The following FBXW4 variants were observed in gnomAD, a reference collection of about 807,000 sequenced individuals.
FBXW4 encodes F-box/WD repeat-containing protein 4.
A neutral mutation model predicts 61.8 loss-of-function variants in FBXW4; 40 were observed. That is an observed-to-expected ratio of 0.65 (90% confidence interval 0.50 to 0.84). The LOEUF is 0.84. Among genes scored for constraint, FBXW4 ranks in the 40% least tolerant of loss-of-function variants. The pLI, the probability that FBXW4 is intolerant of heterozygous loss-of-function variation, is 0.00. For synonymous variants in FBXW4, 311 were observed against 313.8 expected (o/e 0.99, Z 0.10); for missense variants, 672 against 753.8 (o/e 0.89, Z 1.27).
At chr10:101,674,793 G>A (rs1362550794) in intron 2 of FBXW4, among the ~76,000 whole-genome samples, 1 of 152,232 alleles carries the variant, frequency 6.6e-6, no homozygotes, top group African/African-American at 2.4e-5. Flanking sequence ...AGAAAGGCTA[G>A]AAGCCACAGA....
rs1362668293 is a variant in FBXW4, at chr10:101,673,555, A to C, written c.940T>G (p.Phe314Val). ...ASLNRRPLGV[F>V]AGHDEDVCHF... Reference sequence around the variant, plus strand: ...CAAACGTCCTCATCATGCCCAGCAAAGACTCCCAGAGGCCGACGATTCAAG... The same window carrying C: ...CAAACGTCCTCATCATGCCCAGCAACGACTCCCAGAGGCCGACGATTCAAG... The change falls in exon 3 of 9, where the codon TTT (phenylalanine) becomes GTT (valine). Residue 314 changes from phenylalanine (F) to valine (V), a missense_variant. Phe to Val is a conservative substitution (Grantham distance 50). Transcript: ENST00000331272. 24 of 1,613,882 alleles carry C rather than the reference A, an allele frequency of 1.5e-5. No homozygotes were observed. The highest frequency in any genetic ancestry group is 1.9e-5 in the Non-Finnish European group (22 of 1,179,888).
intron 5 of FBXW4, among the ~76,000 whole-genome samples, chr10:101,647,142 A>C (rs2064107021): frequency 6.6e-6 from 1 of 152,208 alleles, no homozygotes; most frequent in Non-Finnish European, 1.5e-5. Flanking sequence ...ATTCTCAAGA[A>C]TCATGTTTTC....
At chr10:101,682,800 T>C (rs964587133) in intron 1 of FBXW4, among the ~76,000 whole-genome samples, 1 of 151,162 alleles carries the variant, frequency 6.6e-6, no homozygotes, top group South Asian at 2.1e-4. Context: ...AATATCATAA[T>C]CAAAACACTT....
chr10:101,656,489 G>A (rs1221378961), intron 5 of FBXW4, among the ~76,000 whole-genome samples: 1 of 152,198 alleles, frequency 6.6e-6, no homozygotes, highest in Non-Finnish European at 1.5e-5. Context: ...CCTTCTCAAA[G>A]CAGGCAAGCT....
chr10:101,674,503 T>C (rs1349868493), intron 2 of FBXW4, among the ~76,000 whole-genome samples: 1 of 152,156 alleles, frequency 6.6e-6, no homozygotes, highest in Non-Finnish European at 1.5e-5. Flanking sequence ...AGAATAAACC[T>C]AGGGAAGCCC....
intron 5 of FBXW4, among the ~76,000 whole-genome samples, chr10:101,652,286 T>C (rs1185168333): frequency 6.6e-6 from 1 of 152,174 alleles, no homozygotes; most frequent in Non-Finnish European, 1.5e-5. Context: ...GCAGCTCCTA[T>C]GGCTCTGATG....
chr10:101,632,211 TAC>T (rs576191437), intron 5 of FBXW4, among the ~76,000 whole-genome samples: 11 of 150,194 alleles, frequency 7.3e-5, no homozygotes, highest in Admixed American at 1.3e-4. Flanking sequence ...ACATATTCTC[TAC>T]ACACACACAC....
At position 101,673,033 on chromosome 10, in the gene FBXW4, C is replaced by G; in HGVS notation, c.1022G>C (p.Gly341Ala). 1 of 1,613,978 alleles carries G rather than the reference C, an allele frequency of 6.2e-7. No homozygotes were observed. Among genetic ancestry groups the G allele is most frequent in the African/African-American group, 1.3e-5 (1 of 74,968 alleles). Residue 341 changes from glycine (G) to alanine (A), a missense_variant, in exon 4 of 9, where the codon GGC (glycine) becomes GCC (alanine). Gly to Ala is a moderately conservative substitution (Grantham distance 60). Transcript: ENST00000331272. ...IVSAGGDGKI[G>A]IHKIHSTFTV... Reference sequence around the variant, plus strand: ...GAAGGTGCTGTGAATCTTATGAATGCCAATCTTCCCATCCCTAGGAGAGAA... The same window carrying G: ...GAAGGTGCTGTGAATCTTATGAATGGCAATCTTCCCATCCCTAGGAGAGAA...
In FBXW4 at chr10:101,642,590, C is replaced by T. The variant is rs138668198; in HGVS notation, c.1236-17780G>A. 2.6e-5 allele frequency among the ~76,000 whole-genome samples: 4 copies of T among 152,276 alleles called. No homozygotes were observed. The East Asian group carries it at 7.7e-4, about 29-fold the overall frequency. On this transcript the variant is annotated intron_variant, in intron 5 of 8. Transcript: ENST00000331272. ...TCTATAAAACCTCCCCTCCATCCTC[C>T]TGCTCAGGACTTTGTCAACAGCCCA...
rs74430890 is a variant in FBXW4, at chr10:101,643,392, G to A, written c.1236-18582C>T. Among the ~76,000 whole-genome samples, 487 of 152,328 alleles carry A rather than the reference G, an allele frequency of 3.2e-3. 7 individuals carry two copies. The highest frequency in any genetic ancestry group is 3.6e-3 in the Non-Finnish European group (242 of 68,022). ...AGAACATGGGCCTAGTCACAGCCTT[G>A]GGAAGAGGTACATGCCCTCTGGGTT... On this transcript the variant is annotated intron_variant, in intron 5 of 8. Coordinates refer to ENST00000331272, the MANE Select transcript of FBXW4 (RefSeq NM_022039.4).
At chr10:101,682,645 T>A (rs1009701361) in intron 1 of FBXW4, among the ~76,000 whole-genome samples, 2 of 152,112 alleles carry the variant, frequency 1.3e-5, no homozygotes, top group African/African-American at 4.8e-5. Context: ...TTCTCTCACC[T>A]CCCTGGTCAC....
chr10:101,616,043 G>A (rs1369243313), intron 6 of FBXW4, among the ~76,000 whole-genome samples: 1 of 152,078 alleles, frequency 6.6e-6, no homozygotes, highest in African/African-American at 2.4e-5. Context: ...CTGTTCTCTG[G>A]AGACCCTATG....
chr10:101,659,432 A>G (rs1043977721), intron 5 of FBXW4: 5 of 985,410 alleles, frequency 5.1e-6, no homozygotes, highest in Non-Finnish European at 6.0e-6. Context: ...CTGAACAGAA[A>G]GAGAGAAAGG....
intron 5 of FBXW4, among the ~76,000 whole-genome samples, chr10:101,665,900 C>T (rs1271548518): frequency 4.6e-5 from 7 of 152,234 alleles, no homozygotes; most frequent in East Asian, 1.9e-4. Flanking sequence ...ATGAAGGAAG[C>T]GCACAGACCA....
At chr10:101,628,749 C>A (rs1434120031) in intron 5 of FBXW4, among the ~76,000 whole-genome samples, 2 of 152,190 alleles carry the variant, frequency 1.3e-5, no homozygotes. Context: ...AAATTAACAT[C>A]AAAACACACA....
intron 1 of FBXW4, among the ~76,000 whole-genome samples, chr10:101,686,953 T>C (rs1161133758): frequency 1.3e-5 from 2 of 152,086 alleles, no homozygotes; most frequent in African/African-American, 4.8e-5. Context: ...GATGTAGACT[T>C]TCTAAAGGAA....
At position 101,673,035 on chromosome 10, in the gene FBXW4, A is replaced by G. The variant is rs1285020581; in HGVS notation, c.1020T>C (p.Ile340=). ...HIVSAGGDGK[I]GIHKIHSTFT... is the part of the protein sequence containing the mutation. ...AGGTGCTGTGAATCTTATGAATGCC[A>G]ATCTTCCCATCCCTAGGAGAGAAAT... Residue 340 remains isoleucine, a synonymous_variant, in exon 4 of 9, where the codon ATT becomes ATC. Transcript: ENST00000331272. 2 of 1,614,074 alleles carry G rather than the reference A, an allele frequency of 1.2e-6. No homozygotes were observed. Among genetic ancestry groups the G allele is most frequent in the East Asian group, 4.5e-5 (2 of 44,852 alleles).
chr10:101,674,155 C>G (rs1318793508), intron 2 of FBXW4, among the ~76,000 whole-genome samples: 2 of 152,010 alleles, frequency 1.3e-5, no homozygotes, highest in Non-Finnish European at 2.9e-5. Context: ...CATGATAAAA[C>G]CCCGTCTCTA....
chr10:101,644,516 A>G (rs556492331), intron 5 of FBXW4, among the ~76,000 whole-genome samples: 7 of 152,310 alleles, frequency 4.6e-5, no homozygotes, highest in African/African-American at 1.7e-4. Context: ...CTGAGCAGCC[A>G]TGGGCCAAGG....
Sources: allele counts gnomAD v4.1 joint callset (sites outside exome capture counted in the v4.1 genomes callset), GRCh38; gene constraint gnomAD v4.1.1; transcripts MANE v1.5; gene names NCBI Gene and HGNC (gene_info 2026-07-23, HGNC 2026-07-21).